Variants in ROR2 observed in about 807,000 individuals in gnomAD.
ROR2 encodes the protein ROR family WNT receptor 2, also known as tyrosine-protein kinase transmembrane receptor ROR2.
In ROR2, 33 loss-of-function variants were observed where a neutral mutation model predicts 74.9. The ratio of observed to expected loss-of-function variants is 0.44; its 90% CI spans 0.33 to 0.59. The LOEUF is 0.59. ROR2 is among the 20% of genes least tolerant of loss of function. ROR2 has a pLI of 0.02. For synonymous variants in ROR2, 586 were observed against 558.7 expected (o/e 1.05, Z -0.69); for missense variants, 1,216 against 1,313.8 (o/e 0.93, Z 1.15).
chr9:91,745,689 G>A (rs1360983945), intron 4 of ROR2, among the ~76,000 whole-genome samples: 2 of 152,024 alleles, frequency 1.3e-5, no homozygotes, highest in African/African-American at 4.8e-5. Flanking sequence ...GCCTCCCAAA[G>A]TGTTGGGATT....
intron 1 of ROR2, among the ~76,000 whole-genome samples, chr9:91,831,935 T>C (rs937757714): frequency 2.0e-5 from 3 of 152,182 alleles, no homozygotes; most frequent in Admixed American, 6.5e-5. Flanking sequence ...GCCAATCATG[T>C]CCCTGACCTA....
intron 1 of ROR2, among the ~76,000 whole-genome samples, chr9:91,832,398 T>C (rs1309441327): frequency 1.6e-5 from 2 of 125,798 alleles, no homozygotes; most frequent in East Asian, 5.6e-4. Flanking sequence ...AAAAAAAGGC[T>C]GTGTCCCCTA....
intron 1 of ROR2, among the ~76,000 whole-genome samples, chr9:91,891,865 T>C (rs1304195450): frequency 1.3e-5 from 2 of 151,964 alleles, no homozygotes; most frequent in African/African-American, 4.8e-5. Context: ...CTGGCCAATA[T>C]GGTGAAAACC....
At chr9:91,816,984 A>T (rs1827960867) in intron 1 of ROR2, among the ~76,000 whole-genome samples, 2 of 152,208 alleles carry the variant, frequency 1.3e-5, no homozygotes, top group African/African-American at 4.8e-5. Flanking sequence ...TCTTTAACTG[A>T]CCATCTGTAC....
rs1278194898 is a variant in ROR2, at chr9:91,934,893, G to A, written c.97+14974C>T. On this transcript the variant is annotated intron_variant, in intron 1 of 8. Transcript: ENST00000375708. Reference sequence around the variant, plus strand: ...CCTTCTTTCAAAAGAAAATAATAATGACATTTTATTTCCAAAATAAAATTT... The same window carrying A: ...CCTTCTTTCAAAAGAAAATAATAATAACATTTTATTTCCAAAATAAAATTT... Among the ~76,000 whole-genome samples the A allele has an allele frequency of 3.9e-5, 6 of 152,122 alleles. No individual in the cohort carries two copies. In the East Asian group the frequency reaches 9.6e-4, roughly 24 times the overall value.
intron 1 of ROR2, among the ~76,000 whole-genome samples, chr9:91,878,793 G>A (rs192068785): frequency 3.3e-5 from 5 of 152,268 alleles, no homozygotes; most frequent in African/African-American, 4.8e-5. Flanking sequence ...AAACAAAGAC[G>A]GGGGCCGGGC....
chr9:91,810,651 C>A (rs1427367958), intron 1 of ROR2, among the ~76,000 whole-genome samples: 1 of 152,228 alleles, frequency 6.6e-6, no homozygotes, highest in Non-Finnish European at 1.5e-5. Flanking sequence ...TGTCCGGTCA[C>A]TCTCGGCAGA....
At chr9:91,894,110 C>T (rs1031134124) in intron 1 of ROR2, among the ~76,000 whole-genome samples, 1 of 152,164 alleles carries the variant, frequency 6.6e-6, no homozygotes, top group Non-Finnish European at 1.5e-5. Context: ...CTGGTCCCTG[C>T]TCCCCAACTC....
chr9:91,790,727 G>A (rs1047638118), intron 1 of ROR2, among the ~76,000 whole-genome samples: 5 of 152,204 alleles, frequency 3.3e-5, no homozygotes, highest in African/African-American at 1.2e-4. Context: ...GGAGTTGACA[G>A]CTCCATGTGT....
chr9:91,918,081 C>T (rs946668851), intron 1 of ROR2, among the ~76,000 whole-genome samples: 20 of 152,052 alleles, frequency 1.3e-4, no homozygotes, highest in Admixed American at 2.0e-4. Flanking sequence ...ACCATCCTGG[C>T]TAACAAGGTG....
rs774791102 is a variant in ROR2, at chr9:91,756,123, A to G, written c.464-22T>C. ...GGACCTAAAAAGAGGAAACAAAAAG[A>G]CAAGTTATTAATACTCCATGATTTG... On this transcript the variant is annotated intron_variant, in intron 3 of 8. Transcript: ENST00000375708. 8.1e-6 allele frequency: 13 copies of G among 1,612,386 alleles called. No individual in the cohort carries two copies. The South Asian group carries it at 1.4e-4, about 18-fold the overall frequency.
At position 91,724,598 on chromosome 9, in the gene ROR2, T is replaced by C. The variant is rs759826387; in HGVS notation, c.1896A>G (p.Ser632=). Residue 632 remains serine, a synonymous_variant, in exon 9 of 9, where the codon TCA becomes TCG. Transcript: ENST00000375708. ...ACACCTCTCGGAAGAGGCCCAAGTC[T>C]GAGATCTTCACGTTCAGCTTGTCGT... The part of the protein sequence containing the change: ...LVYDKLNVKI[S]DLGLFREVYA... The C allele has an allele frequency of 1.4e-5, 23 of 1,614,050 alleles. No individual in the cohort carries two copies. The highest frequency in any genetic ancestry group is 1.9e-5 in the Non-Finnish European group (22 of 1,179,970).
chr9:91,773,075 C>T (rs1037850957), intron 2 of ROR2, among the ~76,000 whole-genome samples: 2 of 152,156 alleles, frequency 1.3e-5, no homozygotes, highest in African/African-American at 4.8e-5. Context: ...TTTGTGATCA[C>T]TCCACTTAAA....
At chr9:91,881,742 G>A (rs867302775) in intron 1 of ROR2, among the ~76,000 whole-genome samples, 15 of 152,168 alleles carry the variant, frequency 9.9e-5, no homozygotes, top group Non-Finnish European at 1.9e-4. Context: ...GATTAGCAAA[G>A]ACAAAACAAG....
At chr9:91,761,101 A>C (rs563700526) in intron 2 of ROR2, among the ~76,000 whole-genome samples, 1 of 152,306 alleles carries the variant, frequency 6.6e-6, no homozygotes, top group Admixed American at 6.5e-5. Context: ...TATGGGGGTC[A>C]AAGTCCTCAT....
rs115212847 is a variant in ROR2, at chr9:91,896,853, G to A, written c.97+53014C>T. Among the ~76,000 whole-genome samples, 253 of 152,154 alleles carry A rather than the reference G, an allele frequency of 1.7e-3. 1 individual carries two copies. The highest frequency in any genetic ancestry group is 5.9e-3 in the African/African-American group (244 of 41,506). ...TAAAGGCCTGTTCTTTTCCAACACT[G>A]GGCTCTTTAATCATTCCTGACAGGC... On this transcript the variant is annotated intron_variant, in intron 1 of 8. Coordinates refer to ENST00000375708, the MANE Select transcript of ROR2 (RefSeq NM_004560.4).
intron 1 of ROR2, among the ~76,000 whole-genome samples, chr9:91,788,537 TG>T (rs1826870116): frequency 6.7e-6 from 1 of 148,760 alleles, no homozygotes; most frequent in Non-Finnish European, 1.5e-5. Context: ...ATCATAGTGT[TG>T]GGGAAAAAAA....
chr9:91,800,139 C>T (rs1416223221), intron 1 of ROR2, among the ~76,000 whole-genome samples: 2 of 152,068 alleles, frequency 1.3e-5, no homozygotes, highest in African/African-American at 4.8e-5. Flanking sequence ...GTCAGGAGTT[C>T]GAGACCAGTC....
chr9:91,777,422 T>G (rs1486897349), intron 1 of ROR2, among the ~76,000 whole-genome samples: 4 of 151,862 alleles, frequency 2.6e-5, no homozygotes, highest in African/African-American at 9.7e-5. Flanking sequence ...ATCATCATCA[T>G]CATCATCATC....
Sources: gnomAD v4.1 joint callset for allele counts (sites outside exome capture counted in the v4.1 genomes callset) on GRCh38, gnomAD v4.1.1 for gene constraint, MANE v1.5 for transcripts, NCBI Gene and HGNC (gene_info 2026-07-23, HGNC 2026-07-21) for gene names.